Variants in PRKCH observed in about 807,000 individuals in gnomAD.
PRKCH encodes protein kinase C eta type.
Under a neutral mutation model 82.5 loss-of-function variants are expected in PRKCH, and 28 were observed. The ratio of observed to expected loss-of-function variants is 0.34; its 90% CI spans 0.25 to 0.47. The LOEUF is 0.47. PRKCH is among the 20% of genes least tolerant of loss of function. The pLI is 1.00. For synonymous variants in PRKCH, 322 were observed against 327.4 expected (o/e 0.98, Z 0.18); for missense variants, 705 against 881.8 (o/e 0.80, Z 2.54).
chr14:61,426,441 C>A (rs535175720), intron 2 of PRKCH, among the ~76,000 whole-genome samples: 17 of 152,330 alleles, frequency 1.1e-4, no homozygotes, highest in African/African-American at 3.8e-4. Flanking sequence ...CTGAGCTTGT[C>A]ATTGCTGAAG....
chr14:61,414,092 G>A (rs1467815924), intron 2 of PRKCH, among the ~76,000 whole-genome samples: 1 of 151,896 alleles, frequency 6.6e-6, no homozygotes, highest in East Asian at 1.9e-4. Flanking sequence ...ATCCTTGGGG[G>A]ATCCATCTTC....
chr14:61,503,821 A>G (rs1021819841), intron 10 of PRKCH, among the ~76,000 whole-genome samples: 2 of 152,152 alleles, frequency 1.3e-5, no homozygotes, highest in African/African-American at 4.8e-5. Flanking sequence ...AGGGCTTACC[A>G]TGCAGAGTAT....
intron 12 of PRKCH, among the ~76,000 whole-genome samples, chr14:61,545,922 C>A (rs767169503): frequency 6.6e-6 from 1 of 152,232 alleles, no homozygotes; most frequent in South Asian, 2.1e-4. Flanking sequence ...CCCAGAAGAA[C>A]AGGCTGTACC....
chr14:61,426,455 G>C (rs1883114019), intron 2 of PRKCH, among the ~76,000 whole-genome samples: 1 of 152,198 alleles, frequency 6.6e-6, no homozygotes, highest in Non-Finnish European at 1.5e-5. Flanking sequence ...GCTGAAGTAA[G>C]ACTCTTAGCT....
upstream of PRKCH, among the ~76,000 whole-genome samples, chr14:61,320,913 G>A (rs2045610273): frequency 6.6e-6 from 1 of 152,174 alleles, no homozygotes; most frequent in South Asian, 2.1e-4. Context: ...CACCCGCAGA[G>A]GAAGAGACTT....
intron 2 of PRKCH, among the ~76,000 whole-genome samples, chr14:61,415,639 A>T (rs571722883): frequency 3.3e-5 from 5 of 152,104 alleles, no homozygotes; most frequent in African/African-American, 1.2e-4. Context: ...CTGGTTCCAT[A>T]TCTTTCCTGT....
rs181780710 is a variant in PRKCH at position 61,447,582 on chromosome 14, T to C, written c.614-1582T>C. Among the ~76,000 whole-genome samples, 46 of 152,196 alleles carry C rather than the reference T, an allele frequency of 3.0e-4. No homozygotes were observed. In the East Asian group the frequency reaches 8.3e-3, roughly 27 times the overall value. On this transcript the variant is annotated intron_variant, in intron 4 of 13. Coordinates refer to ENST00000332981, the MANE Select transcript of PRKCH (RefSeq NM_006255.5). ...ACCAAATTTAAAAGAAGAGAAACCA[T>C]AAACGGTATCTTCTTAGACCACAAT...
upstream of PRKCH, among the ~76,000 whole-genome samples, chr14:61,317,671 A>G (rs761781217): frequency 1.6e-4 from 24 of 152,120 alleles, no homozygotes; most frequent in Non-Finnish European, 3.1e-4. Flanking sequence ...GTTGGTTTCC[A>G]TAATACCTGG....
intron 9 of PRKCH, among the ~76,000 whole-genome samples, chr14:61,470,564 T>A (rs1227591338): frequency 1.3e-5 from 2 of 152,206 alleles, no homozygotes; most frequent in Non-Finnish European, 2.9e-5. Context: ...GGCTTTGGCA[T>A]GCCCTGTCTT....
chr14:61,412,387 G>C (rs1287760978), intron 2 of PRKCH, among the ~76,000 whole-genome samples: 2 of 152,176 alleles, frequency 1.3e-5, no homozygotes, highest in Admixed American at 1.3e-4. Context: ...TTGAAACATG[G>C]GTTGCTTTTC....
intron 1 of PRKCH, among the ~76,000 whole-genome samples, chr14:61,384,054 G>C (rs1403894125): frequency 6.6e-6 from 1 of 152,036 alleles, no homozygotes; most frequent in Non-Finnish European, 1.5e-5. Context: ...TTTTTGGTGG[G>C]GTGTTCCATG....
intron 10 of PRKCH, among the ~76,000 whole-genome samples, chr14:61,505,310 G>T (rs192793421): frequency 2.0e-5 from 3 of 151,576 alleles, no homozygotes; most frequent in Non-Finnish European, 1.5e-5. Flanking sequence ...CTTGGTTCAC[G>T]GATAGCTGCC....
intron 1 of PRKCH, among the ~76,000 whole-genome samples, chr14:61,252,917 C>T (rs1208995256): frequency 6.6e-6 from 1 of 152,106 alleles, no homozygotes; most frequent in Non-Finnish European, 1.5e-5. Flanking sequence ...GTACTGAATA[C>T]ACACACACAA....
intron 1 of PRKCH, among the ~76,000 whole-genome samples, chr14:61,268,682 A>C (rs1376624648): frequency 6.6e-6 from 1 of 152,186 alleles, no homozygotes; most frequent in African/African-American, 2.4e-5. Context: ...CAAAAAATAT[A>C]TATATATTTC....
rs1469517747 is a variant in PRKCH at position 61,280,313 on chromosome 14, G to T, written c.-19+92645G>T. 1 of 1,613,752 alleles carries T rather than the reference G, an allele frequency of 6.2e-7. No homozygotes were observed. Among genetic ancestry groups the T allele is most frequent in the African/African-American group, 1.3e-5 (1 of 74,938 alleles). Reference sequence around the variant, plus strand: ...ATGTTGACGCGGTAGGCGCCCCGCGGCAGCCCGGCCGAGTAGTTGCCCTGG... The same window carrying T: ...ATGTTGACGCGGTAGGCGCCCCGCGTCAGCCCGGCCGAGTAGTTGCCCTGG... On this transcript the variant is annotated intron_variant, in intron 1 of 3. Coordinates refer to the PRKCH transcript ENST00000555185. This position sits in a 1 kb window ranked among gnomAD's most constrained non-coding sequence, Gnocchi z 5.0.
In PRKCH at chr14:61,457,160, G is replaced by T. The variant is rs1398014197; in HGVS notation, c.961-16G>T. ...TCTGCTGCAATTTCTGACTTAATGT[G>T]TTCTTACTCTTTCAGAAACTCGTTT... is the stretch of plus-strand genomic sequence containing the variant. On this transcript the variant is annotated splice_polypyrimidine_tract_variant and intron_variant, in intron 7 of 13. Transcript: ENST00000332981. 6.2e-7 allele frequency: 1 copy of T among 1,613,262 alleles called. No individual in the cohort carries two copies.
At chr14:61,324,374 G>T (rs1357078147) in intron 1 of PRKCH, among the ~76,000 whole-genome samples, 2 of 152,142 alleles carry the variant, frequency 1.3e-5, no homozygotes, top group Non-Finnish European at 2.9e-5. Context: ...TTGAGTGGTT[G>T]GTAGGGAGGG....
At position 61,457,643 on chromosome 14, in the gene PRKCH, C is replaced by G. The variant is rs758519577; in HGVS notation, c.1242C>G (p.Pro414=). 12 of 1,614,184 alleles carry G rather than the reference C, an allele frequency of 7.4e-6. No homozygotes were observed. Among genetic ancestry groups the G allele is most frequent in the Non-Finnish European group, 1.0e-5 (12 of 1,180,026 alleles). ...TCCTGTCTCTGGCCCGCAATCACCCCTTCCTCACTCAGTTGTTCTGCTGCT... is the reference window on the plus strand; with the variant it reads ...TCCTGTCTCTGGCCCGCAATCACCCGTTCCTCACTCAGTTGTTCTGCTGCT... The part of the protein sequence containing the change: ...KRILSLARNH[P]FLTQLFCCFQ... The change falls in exon 9 of 14, where the codon CCC becomes CCG. Residue 414 remains proline (P), a synonymous_variant. Transcript: ENST00000332981.
intron 1 of PRKCH, among the ~76,000 whole-genome samples, chr14:61,211,238 T>G (rs4488373): frequency 0.25 from 38,318 of 152,236 alleles, 5,835 homozygotes; most frequent in Admixed American, 0.37. Context: ...TGCAGTGATA[T>G]GCCCCTGTGT....
Sources: gnomAD v4.1 joint callset for allele counts (sites outside exome capture counted in the v4.1 genomes callset) on GRCh38, gnomAD v4.1.1 for gene constraint, Gnocchi (gnomAD v3.1) non-coding constraint, MANE v1.5 for transcripts, NCBI Gene and HGNC (gene_info 2026-07-23, HGNC 2026-07-21) for gene names.